Variants in BLNK observed in about 807,000 individuals in gnomAD.
BLNK encodes B-cell linker protein.
In BLNK, 29 loss-of-function variants were observed where a neutral mutation model predicts 73.5. That is an observed-to-expected ratio of 0.39 (90% CI 0.29 to 0.54). The LOEUF (loss-of-function observed/expected upper bound fraction) is 0.54. BLNK is among the 20% of genes least tolerant of loss of function. The probability of loss-of-function intolerance (pLI) is 0.61; values close to 1 mark genes in which losing one functional copy is unlikely to be tolerated. For missense variants in BLNK, 460 were observed against 562.8 expected (o/e 0.82, Z 1.85); for synonymous variants, 176 against 200.8 (o/e 0.88, Z 1.04).
chr10:96,191,336 CT>C lies in BLNK; in HGVS notation c.*636del, dbSNP rs770798213. 6.0e-4 allele frequency among the ~76,000 whole-genome samples: 86 copies of C among 144,036 alleles called. No homozygotes were observed. The highest frequency in any genetic ancestry group is 2.0e-3 in the Admixed American group (27 of 13,704). 94.5% of individuals were successfully genotyped at this position (144,036 alleles called of 152,430 possible). ...ACAAACCTCATATCAAGTTTAGGTTCTATTTGATAGACATGTAGATCAAAGA... is the reference window on the plus strand; with the variant it reads ...ACAAACCTCATATCAAGTTTAGGTTCATTTGATAGACATGTAGATCAAAGA... On this transcript the variant is annotated 3_prime_UTR_variant, in exon 17 of 17. Transcript: ENST00000224337.
intron 16 of BLNK, among the ~76,000 whole-genome samples, chr10:96,196,689 G>A (rs2083474430): frequency 6.6e-6 from 1 of 152,108 alleles, no homozygotes; most frequent in Non-Finnish European, 1.5e-5. Flanking sequence ...CTGAATGAAA[G>A]GACTAGCATG....
At chr10:96,255,777 C>T (rs1843481498) in intron 1 of BLNK, among the ~76,000 whole-genome samples, 1 of 152,190 alleles carries the variant, frequency 6.6e-6, no homozygotes, top group Non-Finnish European at 1.5e-5. Context: ...AATGCAGCAG[C>T]TGGCAGCAGG....
intron 2 of BLNK, among the ~76,000 whole-genome samples, chr10:96,244,725 G>T (rs376345323): frequency 1.1e-4 from 17 of 152,116 alleles, no homozygotes; most frequent in African/African-American, 3.9e-4. Flanking sequence ...GAAGAAACAT[G>T]GTTTGTCATG....
In BLNK at chr10:96,201,709, AAC is replaced by A. The variant is rs200490290; in HGVS notation, c.935-653_935-652del. 4.2e-3 allele frequency among the ~76,000 whole-genome samples: 615 copies of A among 145,082 alleles called. 6 individuals carry two copies. Among genetic ancestry groups the A allele is most frequent in the African/African-American group, 0.015 (572 of 39,404 alleles). On this transcript the variant is annotated intron_variant, in intron 13 of 16. Coordinates refer to ENST00000224337, the MANE Select transcript of BLNK (RefSeq NM_013314.4). ...AAAGAGTTTACAGTCTAAATGTGGA[AAC>A]ATGTGAAATACGAAAAAGACTTATC...
chr10:96,247,124 G>C, intron 1 of BLNK, 75 bp from the exon 2 acceptor site: 1 of 1,039,050 alleles, frequency 9.6e-7, no homozygotes, highest in Non-Finnish European at 1.4e-6. Flanking sequence ...TACTCTTCTC[G>C]AATACAAAAA....
At chr10:96,236,983 C>T (rs1236806389) in intron 3 of BLNK, among the ~76,000 whole-genome samples, 4 of 152,202 alleles carry the variant, frequency 2.6e-5, no homozygotes, top group African/African-American at 9.7e-5. Flanking sequence ...TCAGGAGTCA[C>T]TTTGCCTCTC....
chr10:96,220,219 C>T (rs2084164620), intron 6 of BLNK, among the ~76,000 whole-genome samples: 1 of 152,092 alleles, frequency 6.6e-6, no homozygotes, highest in Non-Finnish European at 1.5e-5. Context: ...AGATGCTCTC[C>T]TCTCTCCTTT....
intron 6 of BLNK, among the ~76,000 whole-genome samples, chr10:96,221,117 C>T (rs1475553975): frequency 6.6e-6 from 1 of 152,206 alleles, no homozygotes; most frequent in African/African-American, 2.4e-5. Context: ...GGGTAAGTTT[C>T]TTAGCCCCTT....
chr10:96,239,424 C>T (rs1842811795), intron 3 of BLNK, among the ~76,000 whole-genome samples: 1 of 152,164 alleles, frequency 6.6e-6, no homozygotes, highest in Admixed American at 6.6e-5. Flanking sequence ...GCTGAAAGAC[C>T]TTGTATGTGG....
At chr10:96,233,519 G>A (rs1554904491) in intron 3 of BLNK, among the ~76,000 whole-genome samples, 1 of 152,134 alleles carries the variant, frequency 6.6e-6, no homozygotes, top group African/African-American at 2.4e-5. Context: ...GACTTCTTGC[G>A]GCAGGCTCCC....
chr10:96,239,222 C>T (rs1842803641), intron 3 of BLNK: 1 of 398,594 alleles, frequency 2.5e-6, no homozygotes, highest in Non-Finnish European at 4.4e-6. Context: ...ATGTGAATGC[C>T]TAAAGCCAGG....
chr10:96,265,438 A>T (rs1554914012), intron 1 of BLNK, among the ~76,000 whole-genome samples: 3 of 152,160 alleles, frequency 2.0e-5, no homozygotes, highest in Non-Finnish European at 4.4e-5. Context: ...TTACAAGATG[A>T]CCTTATGTCT....
intron 5 of BLNK, 31 bp downstream of exon 5, chr10:96,227,379 G>A: frequency 3.7e-6 from 6 of 1,608,868 alleles, no homozygotes; most frequent in Non-Finnish European, 5.1e-6. Flanking sequence ...GGCCTGGAAG[G>A]CCGAGTGCCC....
At chr10:96,252,040 G>A (rs1164027394) in intron 1 of BLNK, among the ~76,000 whole-genome samples, 3 of 151,872 alleles carry the variant, frequency 2.0e-5, no homozygotes, top group Non-Finnish European at 4.4e-5. Context: ...CTGCATTTAT[G>A]TTTTTATTTT....
chr10:96,217,529 A>G (rs1359932124), intron 6 of BLNK, among the ~76,000 whole-genome samples: 5 of 152,278 alleles, frequency 3.3e-5, no homozygotes, highest in African/African-American at 1.2e-4. Flanking sequence ...ATCTCATTAT[A>G]GTTTTGATTT....
rs945197522 is a variant in BLNK at position 96,190,660 on chromosome 10, G to T, written c.*1313C>A. Among the ~76,000 whole-genome samples, 4 of 152,158 alleles carry T rather than the reference G, an allele frequency of 2.6e-5. No homozygotes were observed. Among genetic ancestry groups the T allele is most frequent in the African/African-American group, 4.8e-5 (2 of 41,428 alleles). ...TCTGGCCTTTCAACATACTTTCATA[G>T]ATTGCTATCTTATGCAGTGGCCAAG... On this transcript the variant is annotated 3_prime_UTR_variant, in exon 17 of 17. Transcript: ENST00000224337.
chr10:96,243,533 C>T lies in BLNK; in HGVS notation c.114-749G>A, dbSNP rs144519286. 8.5e-5 allele frequency among the ~76,000 whole-genome samples: 13 copies of T among 152,120 alleles called. No individual in the cohort carries two copies. In the South Asian group the frequency reaches 1.7e-3, roughly 19 times the overall value. ...CTGTACTCCAGCTTGGGCGACAGAG[C>T]GAGACACTGTCTTTAAAAAGGAAAA... On this transcript the variant is annotated intron_variant, in intron 2 of 16. Transcript: ENST00000224337.
At chr10:96,259,941 C>T (rs1344913727) in intron 1 of BLNK, among the ~76,000 whole-genome samples, 2 of 152,036 alleles carry the variant, frequency 1.3e-5, no homozygotes, top group Non-Finnish European at 2.9e-5. Flanking sequence ...GATGCTATAC[C>T]TGCCTTAAGA....
chr10:96,244,941 A>G (rs3789929), intron 2 of BLNK, among the ~76,000 whole-genome samples: 16,306 of 152,146 alleles, frequency 0.11, 1,618 homozygotes, highest in East Asian at 0.56. Flanking sequence ...CAGAGGCTTC[A>G]TGTTATTGAG....
Sources: gnomAD v4.1 joint callset for allele counts (sites outside exome capture counted in the v4.1 genomes callset) on GRCh38, gnomAD v4.1.1 for gene constraint, MANE v1.5 for transcripts, NCBI Gene and HGNC (gene_info 2026-07-23, HGNC 2026-07-21) for gene names.